TCF7L1: variants seen among roughly 807,000 people sequenced by gnomAD.
TCF7L1 encodes transcription factor 7 like 1.
TCF7L1 carries 18 observed loss-of-function variants against 63.7 expected under a neutral mutation model. The ratio of observed to expected loss-of-function variants is 0.28; its 90% CI spans 0.20 to 0.42. The LOEUF is 0.42. Ranked by LOEUF, TCF7L1 falls within the 10% of genes least tolerant of loss-of-function variation. The probability of loss-of-function intolerance (pLI) is 1.00; values close to 1 mark genes in which losing one functional copy is unlikely to be tolerated. For synonymous variants in TCF7L1, 355 were observed against 340.9 expected (o/e 1.04, Z -0.46); for missense variants, 654 against 779.3 (o/e 0.84, Z 1.91).
At chr2:85,164,115 AT>A (rs1016769286) in intron 3 of TCF7L1, among the ~76,000 whole-genome samples, 1 of 151,368 alleles carries the variant, frequency 6.6e-6, no homozygotes, top group Non-Finnish European at 1.5e-5. Context: ...GTAGCTGCAT[AT>A]TTTTTTTTCT....
chr2:85,203,394 C>T (rs940267606), intron 3 of TCF7L1, among the ~76,000 whole-genome samples: 2 of 152,090 alleles, frequency 1.3e-5, no homozygotes, highest in African/African-American at 4.8e-5. Context: ...ATTATGGATA[C>T]ATCAGACTCA....
chr2:85,301,129 CTTA>C (rs1449725695), intron 4 of TCF7L1, among the ~76,000 whole-genome samples: 1 of 148,110 alleles, frequency 6.8e-6, no homozygotes, highest in Non-Finnish European at 1.5e-5. Context: ...ACTCACTTAT[CTTA>C]TTATCAAAAA....
At chr2:85,304,750 A>G (rs1424495962) in intron 7 of TCF7L1, among the ~76,000 whole-genome samples, 2 of 152,236 alleles carry the variant, frequency 1.3e-5, no homozygotes, top group Non-Finnish European at 2.9e-5. Flanking sequence ...CAAGGAGAGT[A>G]CTGAATTAAT....
intron 3 of TCF7L1, among the ~76,000 whole-genome samples, chr2:85,147,243 A>G (rs750438598): frequency 6.6e-6 from 1 of 152,188 alleles, no homozygotes; most frequent in African/African-American, 2.4e-5. Context: ...CCTCAGGCCA[A>G]GGTTGCAGCA....
chr2:85,304,705 A>G (rs769238757), intron 7 of TCF7L1, among the ~76,000 whole-genome samples: 14 of 152,214 alleles, frequency 9.2e-5, no homozygotes, highest in Admixed American at 5.2e-4. Context: ...TTTGCAACAT[A>G]TGATGGTTTT....
At chr2:85,291,483 G>A (rs1037544414) in intron 4 of TCF7L1, among the ~76,000 whole-genome samples, 2 of 152,096 alleles carry the variant, frequency 1.3e-5, no homozygotes, top group African/African-American at 4.8e-5. Context: ...ATTTCCATCT[G>A]AAGCCTCACC....
chr2:85,291,767 TGCAGTG>T (rs1681722747), intron 4 of TCF7L1, among the ~76,000 whole-genome samples: 1 of 152,154 alleles, frequency 6.6e-6, no homozygotes, highest in African/African-American at 2.4e-5. Flanking sequence ...TAGGCTGTAG[TGCAGTG>T]GCATGATCAT....
intron 3 of TCF7L1, among the ~76,000 whole-genome samples, chr2:85,263,853 C>T (rs78446542): frequency 0.014 from 2,073 of 152,300 alleles, 42 homozygotes; most frequent in African/African-American, 0.048. Context: ...TTCTGAGGAG[C>T]GGCTGGAGGA....
intron 3 of TCF7L1, among the ~76,000 whole-genome samples, chr2:85,192,524 A>G (rs1222685072): frequency 6.6e-6 from 1 of 151,974 alleles, no homozygotes; most frequent in African/African-American, 2.4e-5. Flanking sequence ...GGTAGTTGAG[A>G]TTACAGGCAT....
intron 3 of TCF7L1, among the ~76,000 whole-genome samples, chr2:85,270,246 TCTC>T (rs1234897506): frequency 1.3e-5 from 2 of 152,216 alleles, no homozygotes; most frequent in Non-Finnish European, 2.9e-5. Flanking sequence ...CTTTCCAGCT[TCTC>T]CTCCCATAGG....
chr2:85,215,767 T>TGGGGGGGGGG (rs1380022989), intron 3 of TCF7L1, among the ~76,000 whole-genome samples: 4 of 15,290 alleles, frequency 2.6e-4, no homozygotes, highest in African/African-American at 4.2e-4. Flanking sequence ...GGGGTGGGGG[T>TGGGGGGGGGG]GGGGGGGGGT....
intron 3 of TCF7L1, among the ~76,000 whole-genome samples, chr2:85,281,303 G>C (rs1430066086): frequency 1.3e-5 from 2 of 152,142 alleles, no homozygotes; most frequent in Non-Finnish European, 2.9e-5. Context: ...GGGATTACAG[G>C]CATAGCCACT....
intron 4 of TCF7L1, among the ~76,000 whole-genome samples, chr2:85,299,187 T>C (rs1277705381): frequency 6.6e-6 from 1 of 151,912 alleles, no homozygotes; most frequent in Non-Finnish European, 1.5e-5. Flanking sequence ...ACATGAGCAA[T>C]CAGGATTTGC....
At chr2:85,167,373 A>G (rs1279180276) in intron 3 of TCF7L1, 1 of 152,242 alleles carries the variant, frequency 6.6e-6, no homozygotes, top group Non-Finnish European at 1.5e-5. Flanking sequence ...AAAGAATTAT[A>G]TGATTCAGCA....
At chr2:85,152,348 C>T (rs899443722) in intron 3 of TCF7L1, among the ~76,000 whole-genome samples, 8 of 151,854 alleles carry the variant, frequency 5.3e-5, no homozygotes, top group Admixed American at 2.6e-4. Flanking sequence ...AGTTCTGTAG[C>T]GACTAGAGGT....
intron 3 of TCF7L1, among the ~76,000 whole-genome samples, chr2:85,277,617 A>G (rs1681305515): frequency 6.6e-6 from 1 of 152,178 alleles, no homozygotes; most frequent in Admixed American, 6.5e-5. Flanking sequence ...GTGGCCAAAA[A>G]TGGGCGAGAC....
intron 3 of TCF7L1, among the ~76,000 whole-genome samples, chr2:85,269,265 AC>A (rs1681088385): frequency 6.6e-6 from 1 of 152,038 alleles, no homozygotes; most frequent in South Asian, 2.1e-4. Context: ...GCCACATACC[AC>A]CTATACTATT....
At position 85,264,876 on chromosome 2, in the gene TCF7L1, A is replaced by G. The variant is rs1027582318; in HGVS notation, c.442-18619A>G. Among the ~76,000 whole-genome samples the G allele has an allele frequency of 3.3e-5, 5 of 152,124 alleles. No individual in the cohort carries two copies. In the South Asian group the frequency reaches 1.0e-3, roughly 32 times the overall value. ...TATGGCATATGGGTTATGATATTGAATTTGTCCAATAAACCATCAGGAAAC... is the reference window on the plus strand; with the variant it reads ...TATGGCATATGGGTTATGATATTGAGTTTGTCCAATAAACCATCAGGAAAC... On this transcript the variant is annotated intron_variant, in intron 3 of 11. Coordinates refer to ENST00000282111, the MANE Select transcript of TCF7L1 (RefSeq NM_031283.3).
intron 3 of TCF7L1, among the ~76,000 whole-genome samples, chr2:85,150,818 CTA>C (rs1677992889): frequency 6.6e-6 from 1 of 152,130 alleles, no homozygotes; most frequent in Non-Finnish European, 1.5e-5. Context: ...TACTTTGAGA[CTA>C]TGTAAATATC....
Sources: allele counts gnomAD v4.1 joint callset (sites outside exome capture counted in the v4.1 genomes callset), GRCh38; gene constraint gnomAD v4.1.1; transcripts MANE v1.5; gene names NCBI Gene and HGNC (gene_info 2026-07-23, HGNC 2026-07-21).